The following DAB1 variants were observed in gnomAD, a reference collection of about 807,000 sequenced individuals.
DAB1 encodes disabled homolog 1.
Under a neutral mutation model 64.6 loss-of-function variants are expected in DAB1, and 15 were observed. The ratio of observed to expected loss-of-function variants is 0.23; its 90% CI spans 0.16 to 0.36. DAB1 has a LOEUF of 0.36. DAB1 is among the 10% of genes least tolerant of loss of function. DAB1 has a pLI of 1.00. For synonymous variants in DAB1, 235 were observed against 251.9 expected (o/e 0.93, Z 0.64); for missense variants, 596 against 706.7 (o/e 0.84, Z 1.78).
intron 10 of DAB1, among the ~76,000 whole-genome samples, chr1:57,024,550 C>T (rs975230893): frequency 5.3e-5 from 8 of 152,064 alleles, no homozygotes; most frequent in Non-Finnish European, 8.8e-5. Context: ...GCTTGCAGGA[C>T]GAATGGCATT....
intron 2 of DAB1, among the ~76,000 whole-genome samples, chr1:57,207,061 C>G (rs1296963068): frequency 6.7e-6 from 1 of 148,420 alleles, no homozygotes; most frequent in African/African-American, 2.5e-5. Flanking sequence ...CTCCGCCTCC[C>G]AGGTTCAAGT....
intron 7 of DAB1, among the ~76,000 whole-genome samples, chr1:57,580,286 A>G (rs189533864): frequency 5.5e-4 from 84 of 152,180 alleles, no homozygotes; most frequent in Non-Finnish European, 1.0e-3. Context: ...CAATAAGGCT[A>G]TATTACAAAT....
intron 1 of DAB1, among the ~76,000 whole-genome samples, chr1:58,540,546 T>C (rs1351953216): frequency 1.3e-5 from 2 of 151,198 alleles, no homozygotes; most frequent in Non-Finnish European, 2.9e-5. Flanking sequence ...ATGTAATATA[T>C]TTCTTTAAAA....
intron 2 of DAB1, among the ~76,000 whole-genome samples, chr1:57,155,856 T>A (rs1002298070): frequency 6.6e-6 from 1 of 152,126 alleles, no homozygotes; most frequent in African/African-American, 2.4e-5. Flanking sequence ...TGCTACTGAT[T>A]TTTGCATGTT....
chr1:57,573,035 G>T (rs1401560121), intron 7 of DAB1, among the ~76,000 whole-genome samples: 1 of 152,096 alleles, frequency 6.6e-6, no homozygotes, highest in Non-Finnish European at 1.5e-5. Context: ...AAGAGATTTG[G>T]GCAGGGACAA....
At chr1:58,072,095 T>A (rs866158769) in intron 5 of DAB1, among the ~76,000 whole-genome samples, 20 of 77,476 alleles carry the variant, frequency 2.6e-4, no homozygotes, top group African/African-American at 3.4e-4. Flanking sequence ...TGGGGGGGGG[T>A]GGGTAGTAGG....
At chr1:57,077,909 T>C (rs1370309549) in intron 4 of DAB1, among the ~76,000 whole-genome samples, 1 of 151,884 alleles carries the variant, frequency 6.6e-6, no homozygotes, top group Non-Finnish European at 1.5e-5. Context: ...CCAACAGGAA[T>C]CAAGTGAGTT....
chr1:57,187,584 G>C (rs897158580), intron 2 of DAB1, among the ~76,000 whole-genome samples: 1 of 152,194 alleles, frequency 6.6e-6, no homozygotes, highest in Non-Finnish European at 1.5e-5. Flanking sequence ...GGCTGACAAA[G>C]TCCTCCTGCA....
At chr1:58,455,903 A>T (rs1645188977) in intron 3 of DAB1, among the ~76,000 whole-genome samples, 1 of 152,200 alleles carries the variant, frequency 6.6e-6, no homozygotes, top group Non-Finnish European at 1.5e-5. Flanking sequence ...CCAAAGGGAT[A>T]GCTCTTCATC....
At chr1:57,033,637 GA>G in intron 9 of DAB1, 3 of 1,466,234 alleles carry the variant, frequency 2.0e-6, no homozygotes, top group Non-Finnish European at 1.9e-6. Context: ...ATGGATTTAT[GA>G]GTTTAATGAT....
intron 2 of DAB1, among the ~76,000 whole-genome samples, chr1:57,162,485 G>A (rs1012428479): frequency 4.6e-5 from 7 of 152,196 alleles, no homozygotes; most frequent in African/African-American, 1.4e-4. Context: ...GCATTTGAAG[G>A]CTTGCTCTTG....
At chr1:57,720,972 G>C (rs1268285311) in intron 6 of DAB1, among the ~76,000 whole-genome samples, 1 of 152,184 alleles carries the variant, frequency 6.6e-6, no homozygotes, top group Non-Finnish European at 1.5e-5. Context: ...CTCCCTTAAA[G>C]GGAGAGAAAG....
chr1:57,093,150 G>C (rs1435959249), intron 4 of DAB1, among the ~76,000 whole-genome samples: 1 of 152,208 alleles, frequency 6.6e-6, no homozygotes, highest in African/African-American at 2.4e-5. Context: ...AAAAGGTCAG[G>C]ATGACACACT....
chr1:57,698,613 T>C (rs1646873545), intron 6 of DAB1, among the ~76,000 whole-genome samples: 1 of 152,182 alleles, frequency 6.6e-6, no homozygotes, highest in Non-Finnish European at 1.5e-5. Flanking sequence ...TAATTGTTTG[T>C]TGAATGGGCA....
Position 57,847,236 on chromosome 1 carries a change from A to G in DAB1, n.88-20781T>C, listed in dbSNP as rs570802713. Among the ~76,000 whole-genome samples, 374 of 152,264 alleles carry G rather than the reference A, an allele frequency of 2.5e-3. 4 individuals are homozygous for G. The highest frequency in any genetic ancestry group is 4.6e-3 in the Non-Finnish European group (311 of 68,020). ...AGGGATGATTTTTTTAGTTCTACCC[A>G]GGACTAGCTAAAAACAGACATTCAG... On this transcript the variant is annotated intron_variant and non_coding_transcript_variant, in intron 1 of 1. Coordinates refer to the DAB1 transcript ENST00000477280.
At chr1:58,222,008 T>TC (rs1217081367) in intron 4 of DAB1, among the ~76,000 whole-genome samples, 1 of 152,066 alleles carries the variant, frequency 6.6e-6, no homozygotes, top group East Asian at 1.9e-4. Flanking sequence ...AGAAGCCATA[T>TC]CTGGAAACCA....
At chr1:58,115,998 A>ATTT (rs1652307950) in intron 5 of DAB1, among the ~76,000 whole-genome samples, 1 of 150,682 alleles carries the variant, frequency 6.6e-6, no homozygotes, top group African/African-American at 2.4e-5. Context: ...AAAAAAAAAA[A>ATTT]ATTAATATTA....
At chr1:57,165,457 A>T (rs1661139404) in intron 2 of DAB1, among the ~76,000 whole-genome samples, 1 of 152,218 alleles carries the variant, frequency 6.6e-6, no homozygotes, top group Non-Finnish European at 1.5e-5. Context: ...AGAAAACAGA[A>T]ATAAGTGTTA....
intron 5 of DAB1, among the ~76,000 whole-genome samples, chr1:57,907,043 G>A (rs1644563519): frequency 6.6e-6 from 1 of 152,166 alleles, no homozygotes. Flanking sequence ...TCAGGGAACT[G>A]AATGTAAAAA....
Sources: allele counts gnomAD v4.1 joint callset (sites outside exome capture counted in the v4.1 genomes callset), GRCh38; gene constraint gnomAD v4.1.1; transcripts MANE v1.5; gene names NCBI Gene and HGNC (gene_info 2026-07-23, HGNC 2026-07-21).